FAAH2: variants seen among roughly 807,000 people sequenced by gnomAD.
The protein encoded by FAAH2 is fatty acid amide hydrolase 2.
A neutral mutation model predicts 36.9 loss-of-function variants in FAAH2; 60 were observed. The ratio of observed to expected loss-of-function variants is 1.63; its 90% confidence interval spans 1.32 to 2.02. The LOEUF (loss-of-function observed/expected upper bound fraction) is 2.02, where lower values mean the gene tolerates loss of function less well. Among genes scored for constraint, FAAH2 ranks in the 30% most tolerant of loss-of-function variants. The pLI is 0.00. For missense variants in FAAH2, 689 were observed against 397.5 expected (o/e 1.73, Z -6.23); for synonymous variants, 214 against 143.8 (o/e 1.49, Z -3.49).
the FAAH2 span, among the ~76,000 whole-genome samples, chrX:57,190,946 C>T: frequency 9.0e-6 from 1 of 111,592 alleles, no homozygotes; most frequent in Non-Finnish European, 1.9e-5. Context: ...CTGCAGTAAA[C>T]ATGGGAATGC....
chrX:57,455,850 T>TA (rs780458848), intron 10 of FAAH2, among the ~76,000 whole-genome samples: 26 of 111,739 alleles, frequency 2.3e-4, no homozygotes, highest in Non-Finnish European at 4.1e-4. Flanking sequence ...CCACAAATAA[T>TA]AACGGGGGAT....
intron 10 of FAAH2, among the ~76,000 whole-genome samples, chrX:57,482,205 A>C (rs1029311165): frequency 1.8e-5 from 2 of 111,571 alleles, no homozygotes; most frequent in Non-Finnish European, 3.8e-5. Flanking sequence ...GAGCAACAAC[A>C]CTAGGCTCCC....
the FAAH2 span, among the ~76,000 whole-genome samples, chrX:57,219,920 T>G: frequency 4.5e-5 from 4 of 88,620 alleles, no homozygotes; most frequent in African/African-American, 1.8e-4. Flanking sequence ...ATGAATTAAA[T>G]AATGGGTCCA....
At chrX:57,336,958 C>G (rs1331931668) in intron 4 of FAAH2, among the ~76,000 whole-genome samples, 2 of 41,081 alleles carry the variant, frequency 4.9e-5, no homozygotes, top group Admixed American at 7.3e-4. Context: ...AATCCAGGAG[C>G]TATTCTTTTG....
the FAAH2 span, among the ~76,000 whole-genome samples, chrX:57,139,311 G>A: frequency 8.9e-6 from 1 of 112,246 alleles, no homozygotes; most frequent in Admixed American, 9.4e-5. Flanking sequence ...ATTACAGAGA[G>A]TGTCCTTTCT....
intron 7 of FAAH2, among the ~76,000 whole-genome samples, chrX:57,396,587 T>C (rs1344246484): frequency 1.8e-5 from 2 of 111,569 alleles, no homozygotes; most frequent in African/African-American, 6.5e-5. Context: ...TTTCATTGTT[T>C]ACCCAAAAGT....
chrX:57,381,095 A>T, intron 7 of FAAH2, 66 bp downstream of exon 7: 1 of 770,424 alleles, frequency 1.3e-6, no homozygotes, highest in Non-Finnish European at 1.9e-6. Context: ...TGAGCCCTTT[A>T]CTTCACTTAC....
intron 5 of FAAH2, among the ~76,000 whole-genome samples, chrX:57,358,888 T>G (rs971922478): frequency 9.0e-6 from 1 of 111,194 alleles, no homozygotes; most frequent in Non-Finnish European, 1.9e-5. Flanking sequence ...ACTTGTGAGT[T>G]ATTTTTTATT....
chrX:57,181,678 T>C, the FAAH2 span, among the ~76,000 whole-genome samples: 1 of 111,602 alleles, frequency 9.0e-6, no homozygotes, highest in Non-Finnish European at 1.9e-5. Context: ...GATTCAATGC[T>C]CTTCCTATCA....
intron 5 of FAAH2, among the ~76,000 whole-genome samples, chrX:57,344,967 G>A (rs956652055): frequency 1.8e-5 from 2 of 110,789 alleles, no homozygotes; most frequent in Admixed American, 1.9e-4. Context: ...ACATTTTGAT[G>A]TGCTGCTGAA....
upstream of FAAH2, among the ~76,000 whole-genome samples, chrX:57,283,087 A>G (rs900567367): frequency 1.8e-5 from 2 of 112,297 alleles, no homozygotes; most frequent in African/African-American, 6.5e-5. Flanking sequence ...GGCCCAAGCC[A>G]TGGGAACCTG....
the FAAH2 span, among the ~76,000 whole-genome samples, chrX:57,170,468 C>A: frequency 9.0e-6 from 1 of 110,899 alleles, no homozygotes; most frequent in Non-Finnish European, 1.9e-5. Context: ...TGTAGGGGTA[C>A]AAGTGGTTTT....
the FAAH2 span, among the ~76,000 whole-genome samples, chrX:57,264,242 TG>T: frequency 8.9e-6 from 1 of 112,293 alleles, no homozygotes; most frequent in African/African-American, 3.2e-5. Flanking sequence ...GAAAAACTTT[TG>T]TTTTGTGAAC....
the FAAH2 span, among the ~76,000 whole-genome samples, chrX:57,226,105 T>C: frequency 1.8e-5 from 2 of 112,351 alleles, no homozygotes; most frequent in African/African-American, 3.2e-5. Context: ...TCTGCATCTT[T>C]TAAGTGGAGC....
intron 6 of FAAH2, among the ~76,000 whole-genome samples, chrX:57,379,545 TCACA>T (rs773400915): frequency 1.2e-3 from 85 of 70,436 alleles, no homozygotes; most frequent in African/African-American, 4.0e-3. Context: ...TCTCTCTCTC[TCACA>T]CACACACACA....
the FAAH2 span, among the ~76,000 whole-genome samples, chrX:57,173,002 T>G: frequency 2.7e-5 from 3 of 111,899 alleles, no homozygotes; most frequent in Non-Finnish European, 3.8e-5. Flanking sequence ...CAAAAATGCC[T>G]GTCCTCATCT....
the FAAH2 span, among the ~76,000 whole-genome samples, chrX:57,179,850 A>G: frequency 8.9e-6 from 1 of 112,233 alleles, no homozygotes; most frequent in African/African-American, 3.2e-5. Flanking sequence ...ATACTCTAAA[A>G]TCAACCACAT....
intron 6 of FAAH2, among the ~76,000 whole-genome samples, chrX:57,380,676 C>T (rs906896428): frequency 8.9e-6 from 1 of 112,175 alleles, no homozygotes; most frequent in African/African-American, 3.2e-5. Flanking sequence ...ACCACCAAAA[C>T]ATTTTGACTT....
the FAAH2 span, among the ~76,000 whole-genome samples, chrX:57,198,235 G>C: frequency 9.0e-6 from 1 of 111,465 alleles, no homozygotes; most frequent in Non-Finnish European, 1.9e-5. Flanking sequence ...ACTCTTCTTT[G>C]GTAGGAATTG....
Sources: gnomAD v4.1 joint callset for allele counts (sites outside exome capture counted in the v4.1 genomes callset) on GRCh38, gnomAD v4.1.1 for gene constraint, MANE v1.5 for transcripts, NCBI Gene and HGNC (gene_info 2026-07-23, HGNC 2026-07-21) for gene names.